The following ALPK3 variants were observed in gnomAD, a reference collection of about 807,000 sequenced individuals.
The protein encoded by ALPK3 is alpha-protein kinase 3.
A neutral mutation model predicts 140.0 loss-of-function variants in ALPK3; 102 were observed. The ratio of observed to expected loss-of-function variants is 0.73; its 90% CI spans 0.62 to 0.86. The LOEUF is 0.86. ALPK3 is among the 40% of genes least tolerant of loss of function. The probability of loss-of-function intolerance (pLI) is 0.00; values close to 1 mark genes in which losing one functional copy is unlikely to be tolerated. For missense variants in ALPK3, 2,254 were observed against 2,208.2 expected (o/e 1.02, Z -0.42); for synonymous variants, 938 against 898.5 (o/e 1.04, Z -0.79).
Position 84,858,457 on chromosome 15 carries a change from C to G in ALPK3, c.3719C>G (p.Pro1240Arg). 6.4e-7 allele frequency: 1 copy of G among 1,568,968 alleles called. No individual in the cohort carries two copies. Among genetic ancestry groups the G allele is most frequent in the East Asian group, 2.3e-5 (1 of 43,428 alleles). The change falls in exon 6 of 14, where the codon CCC (proline) becomes CGC (arginine). Residue 1240 changes from proline (P) to arginine (R), a missense_variant. By Grantham distance (103) the Pro-to-Arg change is moderately radical (BLOSUM62 -2). This residue lies in a region of ALPK3 where 2,088 missense variants were observed against 2,022.9 expected (regional missense o/e 1.03). Coordinates refer to ENST00000258888, the MANE Select transcript of ALPK3 (RefSeq NM_020778.5). Reference sequence around the variant, plus strand: ...GAGCTGGCGGCAGGAGACCTGGGCCCCAGCCCCAAGGCCGGCGGTCTGGAC... The same window carrying G: ...GAGCTGGCGGCAGGAGACCTGGGCCGCAGCCCCAAGGCCGGCGGTCTGGAC... ...EEELAAGDLG[P>R]SPKAGGLDTE...
chr15:84,852,661 T>A (rs939217607), intron 5 of ALPK3: 2 of 209,368 alleles, frequency 9.6e-6, no homozygotes, highest in African/African-American at 2.3e-5. Context: ...CATTTAATAT[T>A]TTCAGACCAA....
Position 84,840,659 on chromosome 15 carries a change from T to C in ALPK3, c.1380T>C (p.Pro460=). The change falls in exon 5 of 14, where the codon CCT becomes CCC. Residue 460 remains proline, a synonymous_variant. Coordinates refer to ENST00000258888, the MANE Select transcript of ALPK3 (RefSeq NM_020778.5). ...TCAGGGCTAGAAGCGAGGGGGTGCC[T>C]GGCGCTCCTGGCCAGCCCACACACT... is the stretch of plus-strand genomic sequence containing the variant. The part of the protein sequence containing the change: ...APLRARSEGV[P]GAPGQPTHSL... The C allele has an allele frequency of 6.3e-7, 1 of 1,579,786 alleles. No individual in the cohort carries two copies. Among genetic ancestry groups the C allele is most frequent in the Non-Finnish European group, 8.6e-7 (1 of 1,164,344 alleles).
intron 3 of ALPK3, among the ~76,000 whole-genome samples, chr15:84,834,442 T>C (rs1001788558): frequency 4.6e-5 from 7 of 152,216 alleles, no homozygotes; most frequent in African/African-American, 1.7e-4. Context: ...ACATTCCTCA[T>C]AGGATTTTTG....
rs1296408101 is a variant in ALPK3, at chr15:84,857,805, C to T, written c.3067C>T (p.Leu1023=). ...CCTGGAGCGTGTGGAGAACAACCAC[C>T]TGGTGCAGAGTGCACAGACCCTGCT... ...RILERVENNH[L]VQSAQTLLLS... is the part of the protein sequence containing the mutation. Residue 1023 remains leucine (L), a synonymous_variant, in exon 6 of 14, where the codon CTG becomes TTG. Coordinates refer to ENST00000258888, the MANE Select transcript of ALPK3 (RefSeq NM_020778.5). 2 of 1,611,486 alleles carry T rather than the reference C, an allele frequency of 1.2e-6. No homozygotes were observed. Among genetic ancestry groups the T allele is most frequent in the Admixed American group, 1.7e-5 (1 of 59,930 alleles).
Position 84,858,309 on chromosome 15 carries a change from G to A in ALPK3, c.3571G>A (p.Val1191Ile), listed in dbSNP as rs763035171. Reference sequence around the variant, plus strand: ...ACCTGAAGAAAGGGAGAGCCCCACGGTTTCCCCCCGGGGGCCCAGGAAAAG... The same window carrying A: ...ACCTGAAGAAAGGGAGAGCCCCACGATTTCCCCCCGGGGGCCCAGGAAAAG... ...TTPEERESPT[V>I]SPRGPRKSLV... The change falls in exon 6 of 14, where the codon GTT becomes ATT. Residue 1191 changes from valine (V) to isoleucine (I), a missense_variant. Transcript: ENST00000258888. The A allele has an allele frequency of 5.1e-6, 8 of 1,568,404 alleles. No individual in the cohort carries two copies. In the South Asian group the frequency reaches 9.3e-5, roughly 18 times the overall value.
chr15:84,821,127 G>A (rs770964010), intron 1 of ALPK3, among the ~76,000 whole-genome samples: 1 of 152,174 alleles, frequency 6.6e-6, no homozygotes, highest in Non-Finnish European at 1.5e-5. Context: ...AGTAAATGGG[G>A]AGCTCCCCTG....
intron 6 of ALPK3, among the ~76,000 whole-genome samples, chr15:84,858,949 G>T (rs1963903776): frequency 6.6e-6 from 1 of 152,162 alleles, no homozygotes; most frequent in Non-Finnish European, 1.5e-5. Context: ...TAGGGACCTA[G>T]AATGCAAACT....
At chr15:84,855,421 T>C (rs906468520) in intron 5 of ALPK3, among the ~76,000 whole-genome samples, 5 of 152,246 alleles carry the variant, frequency 3.3e-5, no homozygotes, top group African/African-American at 1.2e-4. Flanking sequence ...TTTGAGACTG[T>C]AGGTTTTATT....
Position 84,872,947 on chromosome 15 carries a change from C to G in ALPK3, c.*4491C>G, listed in dbSNP as rs1050718757. 1.3e-5 allele frequency: 2 copies of G among 152,200 alleles called. No individual in the cohort carries two copies. Among genetic ancestry groups the G allele is most frequent in the African/African-American group, 4.8e-5 (2 of 41,426 alleles). 9.4% of individuals were successfully genotyped at this position (152,200 alleles called of 1,614,324 possible). A position where few individuals can be genotyped will look rare whatever the true frequency, so the allele number is the denominator to read the frequency against. On this transcript the variant is annotated 3_prime_UTR_variant, in exon 14 of 14. Coordinates refer to ENST00000258888, the MANE Select transcript of ALPK3 (RefSeq NM_020778.5). ...GAGACAGAACTGTTGGCCCAGAAGT[C>G]TTTAGTTAAGGTCATTACTAGGCCA...
In ALPK3 at chr15:84,844,863, A is replaced by G. The variant is rs994499794; in HGVS notation, c.1653+3931A>G. 2.6e-5 allele frequency among the ~76,000 whole-genome samples: 4 copies of G among 152,230 alleles called. No individual in the cohort carries two copies. In the East Asian group the frequency reaches 5.8e-4, roughly 22 times the overall value. Reference sequence around the variant, plus strand: ...CAGAGCGAGACTCCGTCTCAAAAAAAAAAAGGTGGAAAAGACTTGAAAATG... The same window carrying G: ...CAGAGCGAGACTCCGTCTCAAAAAAGAAAAGGTGGAAAAGACTTGAAAATG... On this transcript the variant is annotated intron_variant, in intron 5 of 13. Transcript: ENST00000258888.
At chr15:84,831,358 C>T (rs1963543685) in intron 3 of ALPK3, among the ~76,000 whole-genome samples, 1 of 152,190 alleles carries the variant, frequency 6.6e-6, no homozygotes, top group South Asian at 2.1e-4. Context: ...TTTACAAACT[C>T]CTGTTTGGAT....
chr15:84,840,664 C>T lies in ALPK3; in HGVS notation c.1385C>T (p.Ala462Val). 1 of 1,587,104 alleles carries T rather than the reference C, an allele frequency of 6.3e-7. No homozygotes were observed. The highest frequency in any genetic ancestry group is 8.6e-7 in the Non-Finnish European group (1 of 1,167,688). ...LRARSEGVPG[A>V]PGQPTHSLTP... ...GCTAGAAGCGAGGGGGTGCCTGGCG[C>T]TCCTGGCCAGCCCACACACTCCTTG... Residue 462 changes from alanine to valine, a missense_variant, in exon 5 of 14, where the codon GCT becomes GTT. Transcript: ENST00000258888.
chr15:84,847,036 A>G (rs1963738468), intron 5 of ALPK3, among the ~76,000 whole-genome samples: 1 of 152,226 alleles, frequency 6.6e-6, no homozygotes, highest in East Asian at 1.9e-4. Flanking sequence ...TATCAATTTT[A>G]GAATTGAAAT....
At position 84,857,044 on chromosome 15, in the gene ALPK3, C is replaced by T; in HGVS notation, c.2306C>T (p.Pro769Leu). 6.2e-7 allele frequency: 1 copy of T among 1,614,152 alleles called. No individual in the cohort carries two copies. Among genetic ancestry groups the T allele is most frequent in the Non-Finnish European group, 8.5e-7 (1 of 1,180,006 alleles). The change falls in exon 6 of 14, where the codon CCT becomes CTT. Residue 769 changes from proline to leucine, a missense_variant. Pro to Leu is a moderately conservative substitution (Grantham distance 98, BLOSUM62 -3). This residue lies in a region of ALPK3 where 2,088 missense variants were observed against 2,022.9 expected (regional missense o/e 1.03). Coordinates refer to ENST00000258888, the MANE Select transcript of ALPK3 (RefSeq NM_020778.5). ...TPEGSCFPKK[P>L]GCLPRSEEAV... ...GAAGGGTCTTGTTTCCCAAAAAAACCTGGTTGCCTGCCCAGATCTGAGGAG... is the reference window on the plus strand; with the variant it reads ...GAAGGGTCTTGTTTCCCAAAAAAACTTGGTTGCCTGCCCAGATCTGAGGAG...
In ALPK3 at chr15:84,857,672, A is replaced by G. The variant is rs574248459; in HGVS notation, c.2934A>G (p.Ala978=). The change falls in exon 6 of 14, where the codon GCA becomes GCG. Residue 978 remains alanine, a synonymous_variant. Coordinates refer to ENST00000258888, the MANE Select transcript of ALPK3 (RefSeq NM_020778.5). ...TGTCCAGCACAGAGACAAGTGGAGC[A>G]GGGGGAGAGTCCCAGGTGGGGGCAG... ...LKLSSTETSG[A]GGESQVGAAT... is the part of the protein sequence containing the mutation. 23 of 1,607,330 alleles carry G rather than the reference A, an allele frequency of 1.4e-5. No homozygotes were observed. In the African/African-American group the frequency reaches 2.5e-4, roughly 18 times the overall value.
Position 84,862,908 on chromosome 15 carries a change from C to G in ALPK3, c.4403C>G (p.Thr1468Ser), listed in dbSNP as rs759953118. Residue 1468 changes from threonine (T) to serine (S), a missense_variant, in exon 10 of 14, where the codon ACC becomes AGC. Transcript: ENST00000258888. ...TSLVGRNYDVTIQGCKIQNMS... is the reference protein window; with the variant it reads ...TSLVGRNYDVSIQGCKIQNMS... ...CTTGTGGGCAGAAACTACGACGTCA[C>G]CATCCAGGTACTATGTCCCATCTTC... 6.2e-7 allele frequency: 1 copy of G among 1,613,436 alleles called. No homozygotes were observed. The highest frequency in any genetic ancestry group is 1.1e-5 in the South Asian group (1 of 91,038).
chr15:84,839,696 C>A lies in ALPK3; in HGVS notation c.423-6C>A, dbSNP rs936380141. 23 of 1,594,776 alleles carry A rather than the reference C, an allele frequency of 1.4e-5. No homozygotes were observed. Among genetic ancestry groups the A allele is most frequent in the Non-Finnish European group, 1.9e-5 (22 of 1,169,046 alleles). ...GAGAGGTGGCACCTCCCGCTCCTAC[C>A]TCTAGGTGTCGAGAAGAAGATGCCG... On this transcript the variant is annotated splice_region_variant and splice_polypyrimidine_tract_variant and intron_variant, in intron 4 of 13. Transcript: ENST00000258888.
intron 5 of ALPK3, among the ~76,000 whole-genome samples, chr15:84,842,608 C>T (rs1963679651): frequency 6.6e-6 from 1 of 152,060 alleles, no homozygotes. Context: ...ACAGGAGGGG[C>T]TTTCCCATGG....
rs183139326 is a variant in ALPK3 at position 84,841,696 on chromosome 15, G to A, written c.1653+764G>A. On this transcript the variant is annotated intron_variant, in intron 5 of 13. Coordinates refer to ENST00000258888, the MANE Select transcript of ALPK3 (RefSeq NM_020778.5). ...TTTGTGTGGAGACAGGGGTAGTGGA[G>A]TGTCCACTCCCCAAAGAGGCAGATG... 5.7e-3 allele frequency among the ~76,000 whole-genome samples: 862 copies of A among 152,276 alleles called. 6 individuals are homozygous for A. Among genetic ancestry groups the A allele is most frequent in the African/African-American group, 0.016 (684 of 41,546 alleles).
Sources: gnomAD v4.1 joint callset for allele counts (sites outside exome capture counted in the v4.1 genomes callset) on GRCh38, gnomAD v4.1.1 for gene constraint, gnomAD v4.1.1 regional missense constraint, MANE v1.5 for transcripts, NCBI Gene and HGNC (gene_info 2026-07-23, HGNC 2026-07-21) for gene names.